TENM2: variants seen among roughly 807,000 people sequenced by gnomAD.
TENM2 encodes the protein teneurin-2.
A neutral mutation model predicts 245.2 loss-of-function variants in TENM2; 52 were observed. The ratio of observed to expected loss-of-function variants is 0.21; its 90% confidence interval spans 0.17 to 0.27. TENM2 has a LOEUF of 0.27. Ranked by LOEUF, TENM2 falls within the 10% of genes least tolerant of loss-of-function variation. The pLI is 1.00. For synonymous variants in TENM2, 1,363 were observed against 1,438.9 expected (o/e 0.95, Z 1.19); for missense variants, 3,046 against 3,666.8 (o/e 0.83, Z 4.37).
intron 2 of TENM2, among the ~76,000 whole-genome samples, chr5:167,422,738 A>C (rs972174291): frequency 6.6e-6 from 1 of 152,192 alleles, no homozygotes; most frequent in Non-Finnish European, 1.5e-5. Context: ...AGATACCTCC[A>C]TGAATCCCAA....
chr5:167,533,763 T>C (rs1562033623), intron 2 of TENM2, among the ~76,000 whole-genome samples: 1 of 152,150 alleles, frequency 6.6e-6, no homozygotes, highest in Non-Finnish European at 1.5e-5. Context: ...CCTGGTTGGC[T>C]GTTCTTATAT....
intron 7 of TENM2, among the ~76,000 whole-genome samples, chr5:168,088,970 G>A (rs146409563): frequency 2.0e-5 from 3 of 152,296 alleles, no homozygotes; most frequent in African/African-American, 7.2e-5. Context: ...TGGAGAGATT[G>A]CTTAATCCTA....
chr5:168,169,408 G>A (rs1200190669), intron 13 of TENM2, among the ~76,000 whole-genome samples: 1 of 152,194 alleles, frequency 6.6e-6, no homozygotes, highest in African/African-American at 2.4e-5. Context: ...GTTAAGAGAC[G>A]TGGATCCTGG....
At position 168,014,808 on chromosome 5, in the gene TENM2, A is replaced by C. The variant is rs956931511; in HGVS notation, c.1186+21626A>C. ...GCCCGCAACCCCTGCCCAGGGTCTC[A>C]TGAGTGACAGTGGTTCTGTTCTGAC... is the stretch of plus-strand genomic sequence containing the variant. On this transcript the variant is annotated intron_variant, in intron 5 of 28. Transcript: ENST00000518659. Among the ~76,000 whole-genome samples the C allele has an allele frequency of 7.2e-5, 11 of 152,288 alleles. No individual in the cohort carries two copies. In the East Asian group the frequency reaches 7.7e-4, roughly 11 times the overall value.
At chr5:168,026,409 A>G (rs540733081) in intron 5 of TENM2, among the ~76,000 whole-genome samples, 10 of 152,374 alleles carry the variant, frequency 6.6e-5, no homozygotes, top group Admixed American at 3.9e-4. Flanking sequence ...TTATGGAGGC[A>G]GAGAGAAATC....
chr5:168,054,460 A>T (rs567124968), intron 6 of TENM2, among the ~76,000 whole-genome samples: 2 of 152,248 alleles, frequency 1.3e-5, no homozygotes, highest in Non-Finnish European at 2.9e-5. Context: ...CAATATTCTG[A>T]ATTCAATTTT....
intron 2 of TENM2, among the ~76,000 whole-genome samples, chr5:167,456,694 G>A (rs538250252): frequency 2.9e-4 from 44 of 152,266 alleles, no homozygotes; most frequent in African/African-American, 9.4e-4. Context: ...CTACATAAAT[G>A]AGCTTATCTA....
intron 2 of TENM2, among the ~76,000 whole-genome samples, chr5:167,706,813 G>T (rs530287736): frequency 1.3e-3 from 196 of 151,968 alleles, no homozygotes; most frequent in African/African-American, 4.4e-3. Context: ...AGGAGATCAA[G>T]ACCATCCTGG....
At chr5:167,525,654 C>A (rs1353486807) in intron 2 of TENM2, among the ~76,000 whole-genome samples, 1 of 152,138 alleles carries the variant, frequency 6.6e-6, no homozygotes, top group Non-Finnish European at 1.5e-5. Flanking sequence ...AATCTTTCTT[C>A]CATTTCTATG....
chr5:167,755,111 G>A, intron 2 of TENM2: 1 of 1,599,110 alleles, frequency 6.3e-7, no homozygotes, highest in Non-Finnish European at 8.5e-7. Context: ...ATGCAAGCCA[G>A]ATCATCTCTT....
intron 2 of TENM2, among the ~76,000 whole-genome samples, chr5:167,861,081 AAAAT>A (rs1771758977): frequency 6.6e-6 from 1 of 151,632 alleles, no homozygotes; most frequent in Non-Finnish European, 1.5e-5. Context: ...AAACAACGTC[AAAAT>A]AAATCCTTTC....
downstream of TENM2, chr5:168,263,192 A>C: frequency 5.7e-6 from 1 of 174,904 alleles, no homozygotes; most frequent in Non-Finnish European, 1.2e-5. Flanking sequence ...CAAAAACAAA[A>C]CAAAACAAAC....
At chr5:168,146,265 C>T (rs573966991) in intron 12 of TENM2, among the ~76,000 whole-genome samples, 15 of 151,730 alleles carry the variant, frequency 9.9e-5, no homozygotes, top group Admixed American at 3.3e-4. Context: ...AGCTATGTAG[C>T]ATATCTTTGG....
chr5:167,191,086 A>G, the TENM2 span, among the ~76,000 whole-genome samples: 315 of 152,154 alleles, frequency 2.1e-3, no homozygotes, highest in Non-Finnish European at 3.8e-3. Flanking sequence ...GGGAAAAAAG[A>G]AACTTTGATA....
rs549982858 is a variant in TENM2, at chr5:167,602,769, T to A, written c.502+227296T>A. ...TTCAATAAGTGGAACTTATATTTTG[T>A]CAGGCAGTGGAGCATGGAAGGAGAC... On this transcript the variant is annotated intron_variant, in intron 2 of 28. Coordinates refer to ENST00000518659, the Ensembl canonical transcript of TENM2. Among the ~76,000 whole-genome samples, 3 of 152,284 alleles carry A rather than the reference T, an allele frequency of 2.0e-5. No individual in the cohort carries two copies. The East Asian group carries it at 5.8e-4, about 29-fold the overall frequency.
chr5:168,262,222 G>A lies in TENM2; in HGVS notation c.7737G>A (p.Gly2579=), dbSNP rs1374834723. 6.8e-6 allele frequency: 11 copies of A among 1,607,198 alleles called. No homozygotes were observed. The East Asian group carries it at 2.0e-4, about 29-fold the overall frequency. The change falls in exon 29 of 29, where the codon GGG becomes GGA. Residue 2579 remains glycine, a synonymous_variant. Coordinates refer to ENST00000518659, the Ensembl canonical transcript of TENM2. ...GCATCATGTTTGCCATCAAAGAAGG[G>A]CGGGTGACCACGGGCGTGTCCAGCA...
chr5:167,998,811 G>A (rs1784235052), intron 5 of TENM2, among the ~76,000 whole-genome samples: 1 of 152,178 alleles, frequency 6.6e-6, no homozygotes, highest in African/African-American at 2.4e-5. Context: ...GATCTGGAAA[G>A]AACGCGGGCC....
the TENM2 span, among the ~76,000 whole-genome samples, chr5:167,253,071 G>C: frequency 1.3e-5 from 2 of 151,870 alleles, no homozygotes; most frequent in South Asian, 2.1e-4. Context: ...TGGTAACTTT[G>C]TGGCTTTGGG....
the TENM2 span, among the ~76,000 whole-genome samples, chr5:167,128,549 T>A: frequency 6.6e-6 from 1 of 150,832 alleles, no homozygotes; most frequent in African/African-American, 2.5e-5. Context: ...GTGTAGACTT[T>A]CATTAAAAAA....
Sources: allele counts gnomAD v4.1 joint callset (sites outside exome capture counted in the v4.1 genomes callset), GRCh38; gene constraint gnomAD v4.1.1; transcripts MANE v1.5; gene names NCBI Gene and HGNC (gene_info 2026-07-23, HGNC 2026-07-21).